Variants in EXOC4 observed in about 807,000 individuals in gnomAD.
The protein encoded by EXOC4 is exocyst complex component 4.
EXOC4 carries 71 observed loss-of-function variants against 107.2 expected under a neutral mutation model. The observed-to-expected ratio is 0.66, with a 90% CI of 0.55 to 0.81. EXOC4 has a LOEUF of 0.81. EXOC4 is among the 30% of genes least tolerant of loss of function. The pLI, the probability that EXOC4 is intolerant of heterozygous loss-of-function variation, is 0.00. For synonymous variants in EXOC4, 456 were observed against 441.2 expected, an observed-to-expected ratio of 1.03 and a Z score of -0.42; for missense variants, 1,108 against 1,189.6, an observed-to-expected ratio of 0.93 and a Z score of 1.01.
At chr7:133,966,388 C>T (rs1470188906) in intron 14 of EXOC4, among the ~76,000 whole-genome samples, 1 of 152,172 alleles carries the variant, frequency 6.6e-6, no homozygotes, top group East Asian at 1.9e-4. Context: ...TGAGAGAGGG[C>T]ATCCTTGTCT....
intron 10 of EXOC4, among the ~76,000 whole-genome samples, chr7:133,719,207 ATCCACGT>A (rs1176013803): frequency 6.6e-6 from 1 of 152,176 alleles, no homozygotes; most frequent in Non-Finnish European, 1.5e-5. Flanking sequence ...GCCTTCTGCC[ATCCACGT>A]AAGATGTGAC....
At chr7:134,067,851 T>C (rs2116656880), downstream of EXOC4, among the ~76,000 whole-genome samples, 1 of 152,268 alleles carries the variant, frequency 6.6e-6, no homozygotes, top group South Asian at 2.1e-4. Flanking sequence ...TTAATACAGG[T>C]TCTTTCAGGG....
chr7:134,031,045 A>G (rs528908433), intron 17 of EXOC4, among the ~76,000 whole-genome samples: 3 of 152,320 alleles, frequency 2.0e-5, no homozygotes, highest in African/African-American at 4.8e-5. Context: ...TTTCATTCAT[A>G]TGAAGGACCA....
intron 10 of EXOC4, among the ~76,000 whole-genome samples, chr7:133,782,348 T>G (rs1468737560): frequency 1.3e-5 from 2 of 152,170 alleles, no homozygotes; most frequent in Non-Finnish European, 2.9e-5. Flanking sequence ...CTCCTTGGTT[T>G]TATAAAGTTC....
chr7:133,929,098 AT>A (rs1459479880), intron 13 of EXOC4, among the ~76,000 whole-genome samples: 7 of 151,658 alleles, frequency 4.6e-5, no homozygotes, highest in Admixed American at 4.6e-4. Flanking sequence ...ACACCCGGCT[AT>A]TTTTTGTATT....
intron 10 of EXOC4, among the ~76,000 whole-genome samples, chr7:133,773,882 G>A (rs552842645): frequency 6.6e-5 from 10 of 152,098 alleles, no homozygotes; most frequent in African/African-American, 2.2e-4. Context: ...GATTTGTTTC[G>A]TTTTATTTTA....
intron 9 of EXOC4, among the ~76,000 whole-genome samples, chr7:133,558,884 G>T (rs976884261): frequency 6.6e-6 from 1 of 152,182 alleles, no homozygotes; most frequent in African/African-American, 2.4e-5. Flanking sequence ...ATCCTCCAGG[G>T]TAATCATATG....
intron 14 of EXOC4, among the ~76,000 whole-genome samples, chr7:133,979,964 C>T (rs1793940151): frequency 6.6e-6 from 1 of 152,100 alleles, no homozygotes; most frequent in Non-Finnish European, 1.5e-5. Context: ...AATCTACCAC[C>T]TACCTCATGC....
At chr7:133,431,677 A>G (rs1797859700) in intron 7 of EXOC4, among the ~76,000 whole-genome samples, 1 of 152,224 alleles carries the variant, frequency 6.6e-6, no homozygotes, top group South Asian at 2.1e-4. Flanking sequence ...ATTACCCTGT[A>G]TCTGAGGCGT....
At chr7:133,255,408 C>T in intron 1 of EXOC4, among the ~76,000 whole-genome samples, 1 of 152,174 alleles carries the variant, frequency 6.6e-6, no homozygotes, top group Non-Finnish European at 1.5e-5. Flanking sequence ...ATCGCTTGAC[C>T]TTGTTGTCTG....
Position 133,863,681 on chromosome 7 carries a change from G to T in EXOC4, c.1735-31918G>T, listed in dbSNP as rs918357998. 4.6e-5 allele frequency among the ~76,000 whole-genome samples: 7 copies of T among 152,256 alleles called. No homozygotes were observed. The East Asian group carries it at 9.6e-4, about 21-fold the overall frequency. ...TCTGTACTTACAATTTATGCACTTT[G>T]CACTTTTCTGTTTATATATTTTCTT... On this transcript the variant is annotated intron_variant, in intron 11 of 17. Coordinates refer to ENST00000253861, the MANE Select transcript of EXOC4 (RefSeq NM_021807.4).
At chr7:133,646,943 C>T (rs1803007774) in intron 10 of EXOC4, among the ~76,000 whole-genome samples, 1 of 152,168 alleles carries the variant, frequency 6.6e-6, no homozygotes, top group South Asian at 2.1e-4. Flanking sequence ...CACATTGAAA[C>T]AGCACACATG....
intron 10 of EXOC4, among the ~76,000 whole-genome samples, chr7:133,778,721 A>G (rs914858132): frequency 2.0e-5 from 3 of 152,232 alleles, no homozygotes; most frequent in African/African-American, 4.8e-5. Context: ...TCTTCATTCT[A>G]TCATACAGAA....
intron 5 of EXOC4, among the ~76,000 whole-genome samples, chr7:133,331,884 C>G (rs1795403452): frequency 6.6e-6 from 1 of 152,156 alleles, no homozygotes; most frequent in African/African-American, 2.4e-5. Context: ...GCAAGCCTTT[C>G]TCTTATTCTC....
intron 4 of EXOC4, among the ~76,000 whole-genome samples, chr7:133,313,010 G>T (rs1794909132): frequency 1.3e-5 from 2 of 151,888 alleles, no homozygotes. Flanking sequence ...GAGAAAATTT[G>T]GTGTCCATAT....
chr7:134,042,623 A>G (rs1304645469), intron 17 of EXOC4, among the ~76,000 whole-genome samples: 2 of 152,224 alleles, frequency 1.3e-5, no homozygotes, highest in Non-Finnish European at 2.9e-5. Context: ...GAAAGGTTAC[A>G]GGCTTTGGGC....
chr7:133,772,867 C>G (rs1238751297), intron 10 of EXOC4, among the ~76,000 whole-genome samples: 2 of 152,036 alleles, frequency 1.3e-5, no homozygotes, highest in Admixed American at 1.3e-4. Context: ...AAGAGCACTA[C>G]CTAGTGACAT....
intron 17 of EXOC4, among the ~76,000 whole-genome samples, chr7:134,036,513 G>A (rs970951090): frequency 2.6e-5 from 4 of 152,168 alleles, no homozygotes; most frequent in East Asian, 1.9e-4. Context: ...CCTTGAGCCT[G>A]GGAGGTTGAG....
At chr7:133,765,901 A>G (rs1011419368) in intron 10 of EXOC4, among the ~76,000 whole-genome samples, 4 of 152,024 alleles carry the variant, frequency 2.6e-5, no homozygotes, top group African/African-American at 9.7e-5. Context: ...AGGACAGATT[A>G]CTTACTACTA....
Sources: gnomAD v4.1 joint callset for allele counts (sites outside exome capture counted in the v4.1 genomes callset) on GRCh38, gnomAD v4.1.1 for gene constraint, MANE v1.5 for transcripts, NCBI Gene and HGNC (gene_info 2026-07-23, HGNC 2026-07-21) for gene names.